Variants in CHN2 observed in about 807,000 individuals in gnomAD.
The protein encoded by CHN2 is chimerin 2.
CHN2 carries 35 observed loss-of-function variants against 56.3 expected under a neutral mutation model. That is an observed-to-expected ratio of 0.62 (90% CI 0.47 to 0.82). The LOEUF (loss-of-function observed/expected upper bound fraction) is 0.82. CHN2 is among the 40% of genes least tolerant of loss of function. CHN2 has a pLI of 0.00. For synonymous variants in CHN2, 210 were observed against 212.8 expected (o/e 0.99, Z 0.12); for missense variants, 491 against 580.5 (o/e 0.85, Z 1.58).
chr7:29,202,657 A>T (rs1784245141), intron 1 of CHN2, among the ~76,000 whole-genome samples: 1 of 152,208 alleles, frequency 6.6e-6, no homozygotes, highest in Non-Finnish European at 1.5e-5. Flanking sequence ...TTGGGTGATA[A>T]CCTTATGCAA....
chr7:29,301,884 TCC>T (rs1793700051), intron 1 of CHN2, among the ~76,000 whole-genome samples: 1 of 152,188 alleles, frequency 6.6e-6, no homozygotes, highest in African/African-American at 2.4e-5. Flanking sequence ...AACATATATT[TCC>T]ACTATCTTCA....
At chr7:29,493,873 T>TA (rs1303658620) in intron 7 of CHN2, among the ~76,000 whole-genome samples, 1 of 152,212 alleles carries the variant, frequency 6.6e-6, no homozygotes, top group African/African-American at 2.4e-5. Context: ...AATAATCTTT[T>TA]AAAAAAATCT....
chr7:29,291,921 C>A (rs1274878815), intron 1 of CHN2, among the ~76,000 whole-genome samples: 2 of 152,164 alleles, frequency 1.3e-5, no homozygotes, highest in Non-Finnish European at 2.9e-5. Flanking sequence ...TTGCCCTTTA[C>A]TCTCGGAAGT....
At chr7:29,222,958 C>G (rs965626893) in intron 1 of CHN2, among the ~76,000 whole-genome samples, 1 of 152,158 alleles carries the variant, frequency 6.6e-6, no homozygotes, top group Non-Finnish European at 1.5e-5. Context: ...ATATGCATAT[C>G]TGACAAAGTA....
rs1469097691 is a variant in CHN2 at position 29,394,501 on chromosome 7, C to G, written c.176+791C>G. Among the ~76,000 whole-genome samples the G allele has an allele frequency of 2.6e-5, 4 of 152,338 alleles. No individual in the cohort carries two copies. In the South Asian group the frequency reaches 6.2e-4, roughly 24 times the overall value. ...CCTCTTATTCCCTTACCCGTCAGAG[C>G]CTCATCTTCATGATTAATGACCCTC... On this transcript the variant is annotated intron_variant, in intron 4 of 12. Transcript: ENST00000222792.
At chr7:29,270,546 C>T (rs1790542507) in intron 1 of CHN2, among the ~76,000 whole-genome samples, 1 of 149,872 alleles carries the variant, frequency 6.7e-6, no homozygotes, top group Admixed American at 6.7e-5. Context: ...CACTTGTAAT[C>T]CCAGCTACTT....
At position 29,474,944 on chromosome 7, in the gene CHN2, CT is replaced by C. The variant is rs558798879; in HGVS notation, c.577-5333del. On this transcript the variant is annotated intron_variant, in intron 6 of 12. Coordinates refer to ENST00000222792, the MANE Select transcript of CHN2 (RefSeq NM_004067.4). ...TTGCTTAGATGAACCTCTAAGGTCCCTTCTGGGCTTATGATGCTAGGTTATT... is the reference window on the plus strand; with the variant it reads ...TTGCTTAGATGAACCTCTAAGGTCCCTCTGGGCTTATGATGCTAGGTTATT... 3.1e-4 allele frequency among the ~76,000 whole-genome samples: 47 copies of C among 152,230 alleles called. No homozygotes were observed. In the South Asian group the frequency reaches 9.5e-3, roughly 31 times the overall value.
At chr7:29,292,989 G>A (rs1019067033) in intron 1 of CHN2, 10 of 456,122 alleles carry the variant, frequency 2.2e-5, no homozygotes, top group African/African-American at 1.2e-4. Context: ...TCACTCCTCC[G>A]TCTTTGCACT....
chr7:29,420,431 A>G (rs1242216571), intron 6 of CHN2, among the ~76,000 whole-genome samples: 1 of 152,202 alleles, frequency 6.6e-6, no homozygotes, highest in Non-Finnish European at 1.5e-5. Context: ...AGTGGAACAT[A>G]CTTTAGCTTT....
rs190772356 is a variant in CHN2 at position 29,410,966 on chromosome 7, C to G, written c.576+10138C>G. ...TTACTCCCTAGCCACATTAAAAATT[C>G]CCCATTTCTACTTTTTATTAAAACA... is the stretch of plus-strand genomic sequence containing the variant. On this transcript the variant is annotated intron_variant, in intron 6 of 12. Coordinates refer to ENST00000222792, the MANE Select transcript of CHN2 (RefSeq NM_004067.4). 2.9e-4 allele frequency among the ~76,000 whole-genome samples: 44 copies of G among 152,268 alleles called. No individual in the cohort carries two copies. In the East Asian group the frequency reaches 7.3e-3, roughly 25 times the overall value.
chr7:29,392,847 C>T lies in CHN2; in HGVS notation c.145-832C>T, dbSNP rs561451860. 9.2e-5 allele frequency among the ~76,000 whole-genome samples: 14 copies of T among 152,308 alleles called. No individual in the cohort carries two copies. In the East Asian group the frequency reaches 2.7e-3, roughly 29 times the overall value. On this transcript the variant is annotated intron_variant, in intron 3 of 12. Transcript: ENST00000222792. ...TCCTACAACAGTGAATAAACATAAA[C>T]TTGCTGTCATACATAGAACCATTCA...
intron 6 of CHN2, among the ~76,000 whole-genome samples, chr7:29,429,272 T>C (rs1247171228): frequency 2.0e-5 from 3 of 152,220 alleles, no homozygotes; most frequent in Non-Finnish European, 4.4e-5. Flanking sequence ...CAGACACTTA[T>C]CTGAAATAGC....
intron 1 of CHN2, among the ~76,000 whole-genome samples, chr7:29,246,884 A>G (rs1171311000): frequency 2.0e-5 from 3 of 152,156 alleles, no homozygotes; most frequent in Non-Finnish European, 4.4e-5. Flanking sequence ...GCTCTCATGA[A>G]CTAAACACCT....
chr7:29,233,769 C>T, intron 1 of CHN2, among the ~76,000 whole-genome samples: 1 of 122,908 alleles, frequency 8.1e-6, no homozygotes, highest in East Asian at 2.9e-4. Context: ...TGGAAAAGGC[C>T]AAGAAATGGA....
intron 1 of CHN2, among the ~76,000 whole-genome samples, chr7:29,320,308 G>A (rs1259333910): frequency 6.6e-6 from 1 of 152,094 alleles, no homozygotes. Flanking sequence ...TCTAATTTTT[G>A]CAGTCTCTGT....
At chr7:29,322,672 T>G (rs1021178204) in intron 1 of CHN2, among the ~76,000 whole-genome samples, 1 of 152,222 alleles carries the variant, frequency 6.6e-6, no homozygotes, top group Non-Finnish European at 1.5e-5. Flanking sequence ...GCTGGTCATA[T>G]GAAGTCCTAG....
intron 8 of CHN2, among the ~76,000 whole-genome samples, chr7:29,497,140 G>A (rs1034013445): frequency 4.6e-5 from 7 of 152,114 alleles, no homozygotes; most frequent in Non-Finnish European, 1.5e-5. Flanking sequence ...CCCATTGCAG[G>A]TCTATGTTTA....
intron 1 of CHN2, among the ~76,000 whole-genome samples, chr7:29,334,044 CTTTTCTTTTTTTTTT>C (rs1796421405): frequency 7.2e-6 from 1 of 138,830 alleles, no homozygotes; most frequent in Non-Finnish European, 1.5e-5. Flanking sequence ...AATTCAATTT[CTTTTCTTTTTTTTTT>C]TTTTTTTTTT....
At chr7:29,479,984 C>G (rs1403784804) in intron 6 of CHN2, 19 of 1,470,698 alleles carry the variant, frequency 1.3e-5, no homozygotes, top group Non-Finnish European at 1.7e-5. Flanking sequence ...ATGCCGGAGG[C>G]TGCTGCAGAC....
Sources: allele counts gnomAD v4.1 joint callset (sites outside exome capture counted in the v4.1 genomes callset), GRCh38; gene constraint gnomAD v4.1.1; transcripts MANE v1.5; gene names NCBI Gene and HGNC (gene_info 2026-07-23, HGNC 2026-07-21).